PPP4R3A: variants seen among roughly 807,000 people sequenced by gnomAD.
The protein encoded by PPP4R3A is protein phosphatase 4 regulatory subunit 3A.
In PPP4R3A, 15 loss-of-function variants were observed where a neutral mutation model predicts 91.7. That is an observed-to-expected ratio of 0.16 (90% CI 0.11 to 0.25). The LOEUF (loss-of-function observed/expected upper bound fraction) is 0.25. Ranked by LOEUF, PPP4R3A falls within the 10% of genes least tolerant of loss-of-function variation. PPP4R3A has a pLI of 1.00. For synonymous variants in PPP4R3A, 377 were observed against 348.7 expected (o/e 1.08, Z -0.91); for missense variants, 623 against 998.4 (o/e 0.62, Z 5.07).
chr14:91,505,747 G>A (rs558682463), intron 1 of PPP4R3A, among the ~76,000 whole-genome samples: 24 of 152,220 alleles, frequency 1.6e-4, no homozygotes, highest in South Asian at 1.2e-3. Context: ...ATGGAAAAGC[G>A]CAATAATTTT....
chr14:91,505,597 T>C (rs1183939181), intron 1 of PPP4R3A, among the ~76,000 whole-genome samples: 1 of 152,188 alleles, frequency 6.6e-6, no homozygotes, highest in Non-Finnish European at 1.5e-5. Flanking sequence ...AGACAATAAA[T>C]ACTTGAAAAG....
Position 91,481,660 on chromosome 14 carries a change from A to G in PPP4R3A, c.831T>C (p.Thr277=). 6.2e-7 allele frequency: 1 copy of G among 1,611,504 alleles called. No individual in the cohort carries two copies. The highest frequency in any genetic ancestry group is 1.3e-5 in the African/African-American group (1 of 74,916). Residue 277 remains threonine, a synonymous_variant, in exon 4 of 15, where the codon ACT becomes ACC. Transcript: ENST00000554943. ...VQYIQDMVLP[T]PSVFEENMLS... is the part of the protein sequence containing the mutation. Reference sequence around the variant, plus strand: ...ACATGTTTTCTTCAAAGACCGAAGGAGTTGGTAGAACCATATCTTGTATAT... The same window carrying G: ...ACATGTTTTCTTCAAAGACCGAAGGGGTTGGTAGAACCATATCTTGTATAT...
At chr14:91,481,450 T>C in intron 4 of PPP4R3A, 126 bp downstream of exon 4, 1 of 1,024,926 alleles carries the variant, frequency 9.8e-7, no homozygotes, top group Non-Finnish European at 1.4e-6. Flanking sequence ...TTATAATCTC[T>C]TAAAATAACT....
chr14:91,462,291 C>T, intron 12 of PPP4R3A, 52 bp from the exon 13 acceptor site: 5 of 1,438,142 alleles, frequency 3.5e-6, no homozygotes, highest in Non-Finnish European at 4.6e-6. Flanking sequence ...CTTAATTGTA[C>T]TGTTACAGAT....
chr14:91,499,621 G>C (rs1277680587), intron 1 of PPP4R3A, among the ~76,000 whole-genome samples: 1 of 151,926 alleles, frequency 6.6e-6, no homozygotes, highest in Non-Finnish European at 1.5e-5. Context: ...AGGAGTTCAA[G>C]ACCAGCCTGG....
chr14:91,509,840 CT>C lies in PPP4R3A; in HGVS notation c.-194del. ...CAGGGACCGAGCTCTGGGCCGCCGC[CT>C]TTCCTCGCCTCCGGCTCCCCGGCGC... On this transcript the variant is annotated 5_prime_UTR_variant, in exon 1 of 15. Transcript: ENST00000554943. 8.6e-7 allele frequency: 1 copy of C among 1,168,388 alleles called. No homozygotes were observed. Among genetic ancestry groups the C allele is most frequent in the Non-Finnish European group, 1.1e-6 (1 of 949,930 alleles). 72.4% of individuals were successfully genotyped at this position (1,168,388 alleles called of 1,614,324 possible).
At chr14:91,507,472 ATAC>A (rs988712624) in intron 1 of PPP4R3A, among the ~76,000 whole-genome samples, 16 of 133,696 alleles carry the variant, frequency 1.2e-4, no homozygotes, top group Non-Finnish European at 1.8e-4. Context: ...ATAATTATAT[ATAC>A]TATAGTTATA....
rs1890111442 is a variant in PPP4R3A, at chr14:91,489,567, A to G, written c.198+1180T>C. 2.0e-5 allele frequency among the ~76,000 whole-genome samples: 3 copies of G among 152,188 alleles called. No individual in the cohort carries two copies. In the South Asian group the frequency reaches 6.2e-4, roughly 32 times the overall value. Reference sequence around the variant, plus strand: ...CAAATTATCTTGCTTATCACCCAAAAACCTATAGGCTGAGACACATGAATC... The same window carrying G: ...CAAATTATCTTGCTTATCACCCAAAGACCTATAGGCTGAGACACATGAATC... On this transcript the variant is annotated intron_variant, in intron 2 of 14. Transcript: ENST00000554943.
intron 4 of PPP4R3A, among the ~76,000 whole-genome samples, chr14:91,479,293 CGTGTGTGTGTGTGTGTGTGTGTGT>C (rs3029507): frequency 6.9e-6 from 1 of 144,204 alleles, no homozygotes; most frequent in African/African-American, 2.6e-5. Flanking sequence ...TAAAAAACAA[CGTGTGTGTGTGTGTGTGTGTGTGT>C]GTGTGTGTGT....
chr14:91,509,730 A>C lies in PPP4R3A; in HGVS notation c.-83T>G, dbSNP rs1400453082. On this transcript the variant is annotated 5_prime_UTR_variant, in exon 1 of 15. Transcript: ENST00000554943. ...CTGGAGAGGCGAGGGGCGAGGCGTGAGGGCGCCCGCGAGCGGAGGGCTCCC... is the reference window on the plus strand; with the variant it reads ...CTGGAGAGGCGAGGGGCGAGGCGTGCGGGCGCCCGCGAGCGGAGGGCTCCC... The C allele has an allele frequency of 7.1e-7, 1 of 1,410,892 alleles. No individual in the cohort carries two copies. The highest frequency in any genetic ancestry group is 1.5e-5 in the African/African-American group (1 of 66,208). 87.4% of individuals were successfully genotyped at this position (1,410,892 alleles called of 1,614,324 possible). A position where few individuals can be genotyped will look rare whatever the true frequency, so the allele number is the denominator to read the frequency against.
intron 2 of PPP4R3A, among the ~76,000 whole-genome samples, chr14:91,490,427 G>A (rs1324622871): frequency 1.3e-5 from 2 of 151,894 alleles, no homozygotes; most frequent in African/African-American, 4.8e-5. Context: ...TCTACAACAG[G>A]AATTTTCACC....
intron 1 of PPP4R3A, among the ~76,000 whole-genome samples, chr14:91,493,369 C>T (rs989493824): frequency 6.6e-6 from 1 of 150,572 alleles, no homozygotes; most frequent in African/African-American, 2.5e-5. Flanking sequence ...GTAGGGCATG[C>T]CTATAATTCT....
In PPP4R3A at chr14:91,485,299, T is replaced by A. The variant is rs1440111347; in HGVS notation, c.297+333A>T. Among the ~76,000 whole-genome samples, 5 of 152,334 alleles carry A rather than the reference T, an allele frequency of 3.3e-5. No individual in the cohort carries two copies. In the East Asian group the frequency reaches 9.6e-4, roughly 29 times the overall value. ...AAACAAGATCCACAAGTTTCTGATT[T>A]CAGCAACTGCATGGCACTTAGAAGG... On this transcript the variant is annotated intron_variant, in intron 3 of 14. Transcript: ENST00000554943.
chr14:91,461,120 A>G (rs1327120541), intron 14 of PPP4R3A, among the ~76,000 whole-genome samples: 1 of 152,214 alleles, frequency 6.6e-6, no homozygotes, highest in Non-Finnish European at 1.5e-5. Context: ...TTTGACATAC[A>G]AATTTGAAGT....
At chr14:91,463,285 G>A (rs1472194713) in intron 11 of PPP4R3A, among the ~76,000 whole-genome samples, 2 of 151,874 alleles carry the variant, frequency 1.3e-5, no homozygotes, top group South Asian at 2.1e-4. Context: ...GGCTGGTCTC[G>A]AACTCCCGAC....
Position 91,475,804 on chromosome 14 carries a change from T to A in PPP4R3A, c.1266+7A>T. On this transcript the variant is annotated splice_region_variant and intron_variant, in intron 7 of 14. Transcript: ENST00000554943. ...AAATACTTACTATTAGTACAAATAATATTTACCTTGCTGGTTATTTTTTGC... is the reference window on the plus strand; with the variant it reads ...AAATACTTACTATTAGTACAAATAAAATTTACCTTGCTGGTTATTTTTTGC... The A allele has an allele frequency of 1.2e-6, 2 of 1,610,876 alleles. No homozygotes were observed. Among genetic ancestry groups the A allele is most frequent in the Admixed American group, 3.3e-5 (2 of 59,772 alleles).
chr14:91,472,016 G>A (rs962459561), intron 9 of PPP4R3A, among the ~76,000 whole-genome samples: 1 of 130,422 alleles, frequency 7.7e-6, no homozygotes, highest in Non-Finnish European at 1.5e-5. Flanking sequence ...AGTGAGCCGA[G>A]ATCCCGCCAC....
intron 9 of PPP4R3A, among the ~76,000 whole-genome samples, 199 bp downstream of exon 9, chr14:91,472,834 A>AACC (rs1270519840): frequency 6.6e-6 from 1 of 151,576 alleles, no homozygotes; most frequent in South Asian, 2.1e-4. Flanking sequence ...ACAACCAACC[A>AACC]ACCAACCAAC....
chr14:91,464,795 C>A (rs2064963), intron 11 of PPP4R3A, among the ~76,000 whole-genome samples: 75,277 of 152,078 alleles, frequency 0.49, 18,967 homozygotes, highest in Admixed American at 0.53. Flanking sequence ...AAGCAGCAGT[C>A]CCTAACCTTT....
Sources: allele counts gnomAD v4.1 joint callset (sites outside exome capture counted in the v4.1 genomes callset), GRCh38; gene constraint gnomAD v4.1.1; transcripts MANE v1.5; gene names NCBI Gene and HGNC (gene_info 2026-07-23, HGNC 2026-07-21).